The following CHSY3 variants were observed in gnomAD, a reference collection of about 807,000 sequenced individuals.
CHSY3 encodes chondroitin sulfate synthase 3.
CHSY3 carries 35 observed loss-of-function variants against 67.2 expected under a neutral mutation model. The ratio of observed to expected loss-of-function variants is 0.52; its 90% CI spans 0.40 to 0.69. The LOEUF (loss-of-function observed/expected upper bound fraction) is 0.69. Among genes scored for constraint, CHSY3 ranks in the 30% least tolerant of loss-of-function variants. The pLI is 0.00. For synonymous variants in CHSY3, 474 were observed against 434.7 expected, an observed-to-expected ratio of 1.09 and a Z score of -1.12; for missense variants, 1,069 against 1,138.5, an observed-to-expected ratio of 0.94 and a Z score of 0.88.
intron 1 of CHSY3, among the ~76,000 whole-genome samples, chr5:129,907,642 A>G (rs1210476728): frequency 6.6e-6 from 1 of 152,206 alleles, no homozygotes. Flanking sequence ...GTTAATGGCA[A>G]AACACTGAAC....
intron 2 of CHSY3, among the ~76,000 whole-genome samples, chr5:129,960,808 T>C (rs1206716228): frequency 2.0e-5 from 3 of 152,102 alleles, no homozygotes; most frequent in Non-Finnish European, 2.9e-5. Flanking sequence ...TGAAACATTT[T>C]ATATGTACCC....
At chr5:130,005,701 A>G (rs1763855717) in intron 2 of CHSY3, among the ~76,000 whole-genome samples, 1 of 152,160 alleles carries the variant, frequency 6.6e-6, no homozygotes, top group African/African-American at 2.4e-5. Context: ...TTTATTTTTT[A>G]TATTCGAATC....
chr5:129,926,582 A>G (rs1328438945), intron 2 of CHSY3, among the ~76,000 whole-genome samples: 1 of 151,904 alleles, frequency 6.6e-6, no homozygotes, highest in Admixed American at 6.6e-5. Context: ...CATTTCTCAT[A>G]TTTGACCTTC....
intron 2 of CHSY3, among the ~76,000 whole-genome samples, chr5:130,168,595 G>A (rs1324544677): frequency 6.6e-6 from 1 of 152,056 alleles, no homozygotes; most frequent in Non-Finnish European, 1.5e-5. Context: ...GGGAAATACT[G>A]CAGAATTCTG....
rs1761847748 is a variant in CHSY3 at position 129,946,091 on chromosome 5, G to A, written c.1086+37731G>A. 2.0e-5 allele frequency among the ~76,000 whole-genome samples: 3 copies of A among 152,270 alleles called. No individual in the cohort carries two copies. In the South Asian group the frequency reaches 6.2e-4, roughly 32 times the overall value. On this transcript the variant is annotated intron_variant, in intron 2 of 2. Transcript: ENST00000305031. Reference sequence around the variant, plus strand: ...AGGTGAAGTACAGTGAGGGTGCTGGGCAGAATTTTTCACCTTTCTGAATAT... The same window carrying A: ...AGGTGAAGTACAGTGAGGGTGCTGGACAGAATTTTTCACCTTTCTGAATAT...
At chr5:129,937,511 C>T (rs1199070250) in intron 2 of CHSY3, among the ~76,000 whole-genome samples, 3 of 152,018 alleles carry the variant, frequency 2.0e-5, no homozygotes, top group Admixed American at 1.3e-4. Context: ...ATGTCCTTCT[C>T]ACATTTTAAA....
chr5:130,068,592 G>A (rs1019570609), intron 2 of CHSY3, among the ~76,000 whole-genome samples: 2 of 152,140 alleles, frequency 1.3e-5, no homozygotes, highest in African/African-American at 4.8e-5. Context: ...CAGAGCAAAT[G>A]CATGCCCAAG....
intron 2 of CHSY3, among the ~76,000 whole-genome samples, chr5:130,143,812 A>ATATATATATATATATATATATGTG (rs1768983746): frequency 6.0e-5 from 4 of 66,710 alleles, no homozygotes; most frequent in Admixed American, 1.4e-4. Context: ...ATATGTGTGT[A>ATATATATATATATATATATATGTG]TATATATATA....
At chr5:129,916,072 T>C (rs1760721343) in intron 2 of CHSY3, among the ~76,000 whole-genome samples, 1 of 152,224 alleles carries the variant, frequency 6.6e-6, no homozygotes, top group Admixed American at 6.5e-5. Context: ...AATACAGTTA[T>C]GGTCATAGTG....
At chr5:130,093,027 A>G (rs1313072984) in intron 2 of CHSY3, among the ~76,000 whole-genome samples, 1 of 152,210 alleles carries the variant, frequency 6.6e-6, no homozygotes, top group Non-Finnish European at 1.5e-5. Context: ...AGGAACTCAG[A>G]TAAAACAAAT....
intron 2 of CHSY3, among the ~76,000 whole-genome samples, chr5:130,116,114 T>C (rs538726387): frequency 6.6e-6 from 1 of 152,326 alleles, no homozygotes; most frequent in East Asian, 1.9e-4. Flanking sequence ...TTCACTTGCC[T>C]CCCAGAATTA....
intron 2 of CHSY3, among the ~76,000 whole-genome samples, chr5:130,049,293 A>ATAT (rs1765253998): frequency 6.6e-6 from 1 of 152,232 alleles, no homozygotes; most frequent in African/African-American, 2.4e-5. Context: ...CACCAAGAAG[A>ATAT]TATTTTTAAA....
At chr5:130,101,432 A>G (rs1429326669) in intron 2 of CHSY3, among the ~76,000 whole-genome samples, 1 of 152,144 alleles carries the variant, frequency 6.6e-6, no homozygotes, top group Non-Finnish European at 1.5e-5. Context: ...TATGTCAGTT[A>G]AGACTATAAG....
chr5:129,909,552 G>A (rs1760458154), intron 2 of CHSY3, among the ~76,000 whole-genome samples: 1 of 151,782 alleles, frequency 6.6e-6, no homozygotes, highest in Non-Finnish European at 1.5e-5. Context: ...ATTTGAAATA[G>A]GCATGAAAAT....
At chr5:129,950,915 A>G (rs1161027330) in intron 2 of CHSY3, among the ~76,000 whole-genome samples, 2 of 152,180 alleles carry the variant, frequency 1.3e-5, no homozygotes, top group African/African-American at 4.8e-5. Context: ...TAAAATTCAC[A>G]TGGAAATACA....
chr5:129,923,015 T>A (rs1760975064), intron 2 of CHSY3, among the ~76,000 whole-genome samples: 1 of 152,228 alleles, frequency 6.6e-6, no homozygotes, highest in South Asian at 2.1e-4. Context: ...TCTTGATGGC[T>A]GGAGCATAGA....
chr5:130,037,835 A>T (rs1232355389), intron 2 of CHSY3, among the ~76,000 whole-genome samples: 1 of 152,084 alleles, frequency 6.6e-6, no homozygotes, highest in Non-Finnish European at 1.5e-5. Flanking sequence ...GCTTTCACTT[A>T]AAAGCAGCCA....
At chr5:129,950,101 G>T (rs551607701) in intron 2 of CHSY3, among the ~76,000 whole-genome samples, 1 of 150,940 alleles carries the variant, frequency 6.6e-6, no homozygotes, top group Non-Finnish European at 1.5e-5. Flanking sequence ...CCAGGAGGCA[G>T]AGGTTGCAGT....
At chr5:130,131,213 T>C (rs2149713877) in intron 2 of CHSY3, among the ~76,000 whole-genome samples, 1 of 152,280 alleles carries the variant, frequency 6.6e-6, no homozygotes, top group South Asian at 2.1e-4. Context: ...GATACTACAG[T>C]GTGTTCTTGG....
Sources: allele counts gnomAD v4.1 joint callset (sites outside exome capture counted in the v4.1 genomes callset), GRCh38; gene constraint gnomAD v4.1.1; transcripts MANE v1.5; gene names NCBI Gene and HGNC (gene_info 2026-07-23, HGNC 2026-07-21).